XKR6: variants seen among roughly 807,000 people sequenced by gnomAD.
The protein encoded by XKR6 is XK related 6, also known as XK-related protein 6.
In XKR6, 22 loss-of-function variants were observed where a neutral mutation model predicts 56.7. That is an observed-to-expected ratio of 0.39 (90% CI 0.28 to 0.55). The LOEUF (loss-of-function observed/expected upper bound fraction) is 0.55, where lower values mean the gene tolerates loss of function less well. XKR6 is among the 20% of genes least tolerant of loss of function. The pLI is 0.66. For missense variants in XKR6, 852 were observed against 889.0 expected (o/e 0.96, Z 0.53); for synonymous variants, 524 against 387.8 (o/e 1.35, Z -4.13).
Position 10,898,660 on chromosome 8 carries a change from T to C in XKR6, c.1218A>G (p.Thr406=). 1 of 1,614,184 alleles carries C rather than the reference T, an allele frequency of 6.2e-7. No individual in the cohort carries two copies. The highest frequency in any genetic ancestry group is 8.5e-7 in the Non-Finnish European group (1 of 1,180,032). The change falls in exon 3 of 3, where the codon ACA becomes ACG. Residue 406 remains threonine, a synonymous_variant. Transcript: ENST00000416569. The surrounding 1 kb of genome is among the most constrained non-coding windows in gnomAD (Gnocchi z 6.6). ...CCTCCCACTTGGACATGCAGAAGTC[T>C]GTTCCGCCATGGATGATCCAGAAGG... ...AMAFWIIHGG[T]DFCMSKWEEI...
intron 1 of XKR6, among the ~76,000 whole-genome samples, chr8:11,113,454 A>G (rs1038610726): frequency 6.6e-6 from 1 of 152,242 alleles, no homozygotes; most frequent in Non-Finnish European, 1.5e-5. Flanking sequence ...AATATATTTG[A>G]ACATGTAATA....
At chr8:11,158,941 G>C (rs993426785) in intron 1 of XKR6, among the ~76,000 whole-genome samples, 48 of 152,312 alleles carry the variant, frequency 3.2e-4, no homozygotes, top group African/African-American at 1.1e-3. Flanking sequence ...CTGCAACTGA[G>C]GACCCGCTTG....
At chr8:11,199,459 G>C (rs1272700535) in intron 1 of XKR6, among the ~76,000 whole-genome samples, 1 of 152,240 alleles carries the variant, frequency 6.6e-6, no homozygotes, top group Admixed American at 6.5e-5. Flanking sequence ...TACTAAGCTT[G>C]GAGTCAGGGC....
chr8:10,947,183 GGGAAATCATA>G (rs1310129952), intron 1 of XKR6, among the ~76,000 whole-genome samples: 3 of 152,164 alleles, frequency 2.0e-5, no homozygotes. Context: ...GCTGGCAAGG[GGGAAATCATA>G]GCTCTCAGTG....
chr8:11,183,106 C>G (rs962607924), intron 1 of XKR6, among the ~76,000 whole-genome samples: 1 of 152,056 alleles, frequency 6.6e-6, no homozygotes, highest in Non-Finnish European at 1.5e-5. Context: ...TTTGTTTATT[C>G]ACTTGTGTTG....
At chr8:11,136,139 G>C (rs1041380080) in intron 1 of XKR6, among the ~76,000 whole-genome samples, 2 of 152,180 alleles carry the variant, frequency 1.3e-5, no homozygotes. Context: ...CAATAAAAAA[G>C]GATGAAAAGC....
chr8:11,145,570 A>G (rs1202126478), intron 1 of XKR6, among the ~76,000 whole-genome samples: 1 of 152,246 alleles, frequency 6.6e-6, no homozygotes, highest in Admixed American at 6.5e-5. Context: ...TTCTATAAAA[A>G]TAAACTAACA....
chr8:11,009,320 G>C (rs544558171), intron 1 of XKR6, among the ~76,000 whole-genome samples: 69 of 152,282 alleles, frequency 4.5e-4, no homozygotes, highest in African/African-American at 1.6e-3. Flanking sequence ...AGACCGGCCT[G>C]GGTAACATGG....
chr8:11,062,770 C>T (rs746342382), intron 1 of XKR6: 7 of 455,352 alleles, frequency 1.5e-5, no homozygotes, highest in South Asian at 1.1e-4. Flanking sequence ...AGAAATTGTT[C>T]TCTCTTTTCC....
intron 1 of XKR6, among the ~76,000 whole-genome samples, chr8:11,142,969 T>C (rs1036121113): frequency 2.6e-5 from 4 of 152,220 alleles, no homozygotes; most frequent in African/African-American, 7.2e-5. Context: ...ATCAATTCAT[T>C]ATTTTGAAAG....
intron 2 of XKR6, among the ~76,000 whole-genome samples, chr8:10,922,989 A>G (rs1314144122): frequency 6.6e-6 from 1 of 152,142 alleles, no homozygotes; most frequent in Non-Finnish European, 1.5e-5. Flanking sequence ...TCACTCCAAG[A>G]AGCTGGAGCC....
chr8:11,193,742 C>A (rs946937313), intron 1 of XKR6, among the ~76,000 whole-genome samples: 1 of 133,152 alleles, frequency 7.5e-6, no homozygotes, highest in South Asian at 2.9e-4. Context: ...GTTCTGACCC[C>A]CCCCCCCCCA....
chr8:11,041,151 A>C (rs1267010527), intron 1 of XKR6, among the ~76,000 whole-genome samples: 1 of 152,170 alleles, frequency 6.6e-6, no homozygotes, highest in African/African-American at 2.4e-5. Flanking sequence ...AGTGTACCGT[A>C]CATCCCTGAA....
intron 1 of XKR6, among the ~76,000 whole-genome samples, chr8:10,926,450 C>T (rs1800888464): frequency 6.6e-6 from 1 of 152,268 alleles, no homozygotes; most frequent in Non-Finnish European, 1.5e-5. Flanking sequence ...ATCCTGAAGG[C>T]ACCCAGCCAG....
At chr8:11,184,995 G>A (rs186109032) in intron 1 of XKR6, among the ~76,000 whole-genome samples, 73 of 152,212 alleles carry the variant, frequency 4.8e-4, no homozygotes, top group Non-Finnish European at 8.2e-4. Flanking sequence ...ATTCCCAACC[G>A]GGCCACTGTC....
At chr8:11,070,706 G>C (rs967994033) in intron 1 of XKR6, among the ~76,000 whole-genome samples, 1 of 152,196 alleles carries the variant, frequency 6.6e-6, no homozygotes, top group African/African-American at 2.4e-5. Context: ...CACTTATACA[G>C]ATGATTCCAT....
intron 1 of XKR6, among the ~76,000 whole-genome samples, chr8:11,134,981 G>GT (rs1183558478): frequency 6.6e-6 from 1 of 151,422 alleles, no homozygotes; most frequent in Non-Finnish European, 1.5e-5. Context: ...AATTTTGATT[G>GT]TATTTGTTTA....
In XKR6 at chr8:11,198,126, AGAT is replaced by A. The variant is rs150149248; in HGVS notation, c.764+2447_764+2449del. 3.1e-3 allele frequency among the ~76,000 whole-genome samples: 478 copies of A among 152,366 alleles called. 10 individuals carry two copies. The highest frequency in any genetic ancestry group is 0.021 in the South Asian group (103 of 4,830). ...CCCAAAAGATCTTCAATAAAAACAG[AGAT>A]GATGTATGTTCAAACACATTGACAA... On this transcript the variant is annotated intron_variant, in intron 1 of 2. Coordinates refer to ENST00000416569, the MANE Select transcript of XKR6 (RefSeq NM_173683.4).
intron 1 of XKR6, among the ~76,000 whole-genome samples, chr8:11,138,864 T>C (rs1202496676): frequency 6.6e-6 from 1 of 151,926 alleles, no homozygotes; most frequent in Non-Finnish European, 1.5e-5. Context: ...AAATAACTTA[T>C]GTTCCAAAGC....
Sources: gnomAD v4.1 joint callset for allele counts (sites outside exome capture counted in the v4.1 genomes callset) on GRCh38, gnomAD v4.1.1 for gene constraint, Gnocchi (gnomAD v3.1) non-coding constraint, MANE v1.5 for transcripts, NCBI Gene and HGNC (gene_info 2026-07-23, HGNC 2026-07-21) for gene names.